The following NRXN1 variants were observed in gnomAD, a reference collection of about 807,000 sequenced individuals.
The protein encoded by NRXN1 is neurexin 1.
In NRXN1, 39 loss-of-function variants were observed where a neutral mutation model predicts 150.9. The observed-to-expected ratio is 0.26, with a 90% confidence interval of 0.20 to 0.34. The LOEUF (loss-of-function observed/expected upper bound fraction) is 0.34. Among genes scored for constraint, NRXN1 ranks in the 10% least tolerant of loss-of-function variants. The pLI is 1.00. For missense variants in NRXN1, 1,815 were observed against 1,949.9 expected, an observed-to-expected ratio of 0.93 and a Z score of 1.30; for synonymous variants, 924 against 757.0, an observed-to-expected ratio of 1.22 and a Z score of -3.62.
chr2:50,158,248 G>A (rs148046458), intron 18 of NRXN1, among the ~76,000 whole-genome samples: 39 of 151,542 alleles, frequency 2.6e-4, no homozygotes, highest in African/African-American at 8.2e-4. Flanking sequence ...TCTGTGGAGC[G>A]TTCATCAGAG....
intron 17 of NRXN1, among the ~76,000 whole-genome samples, chr2:50,293,147 C>T (rs2073142516): frequency 1.3e-5 from 2 of 152,018 alleles, no homozygotes; most frequent in South Asian, 2.1e-4. Context: ...TCTGATTCTC[C>T]ACTGCCTTCT....
chr2:50,949,018 G>C (rs187049797), intron 2 of NRXN1, among the ~76,000 whole-genome samples: 25 of 152,112 alleles, frequency 1.6e-4, no homozygotes, highest in Admixed American at 1.5e-3. Flanking sequence ...AAAACTGCTA[G>C]ATCTGTTCTA....
At chr2:50,128,932 G>A (rs1253983440) in intron 18 of NRXN1, among the ~76,000 whole-genome samples, 8 of 150,306 alleles carry the variant, frequency 5.3e-5, no homozygotes, top group Admixed American at 3.3e-4. Context: ...GCAGTGAGCC[G>A]AGATCACACC....
At chr2:50,440,097 A>C (rs1010252127) in intron 17 of NRXN1, among the ~76,000 whole-genome samples, 14 of 152,200 alleles carry the variant, frequency 9.2e-5, no homozygotes, top group African/African-American at 3.1e-4. Context: ...AAGAGTTGTC[A>C]GGATTTGTTC....
intron 5 of NRXN1, among the ~76,000 whole-genome samples, chr2:50,711,154 T>C (rs924605845): frequency 6.6e-6 from 1 of 152,132 alleles, no homozygotes; most frequent in African/African-American, 2.4e-5. Context: ...TAGTCTCTAC[T>C]GCAAGGCTCT....
At chr2:50,336,529 T>C (rs1156876189) in intron 17 of NRXN1, among the ~76,000 whole-genome samples, 1 of 152,242 alleles carries the variant, frequency 6.6e-6, no homozygotes, top group African/African-American at 2.4e-5. Context: ...TACGATTTTA[T>C]TTAACCATTT....
chr2:50,517,301 C>T (rs1012160876), intron 12 of NRXN1, among the ~76,000 whole-genome samples: 4 of 152,048 alleles, frequency 2.6e-5, no homozygotes, highest in Admixed American at 6.6e-5. Context: ...TTTATCTTCT[C>T]CTCAATGAGT....
At chr2:50,189,965 A>G (rs2061346195) in intron 18 of NRXN1, among the ~76,000 whole-genome samples, 1 of 152,198 alleles carries the variant, frequency 6.6e-6, no homozygotes, top group African/African-American at 2.4e-5. Context: ...CAAACAATAT[A>G]CAATCATCTT....
chr2:50,130,978 G>A (rs1705388075), intron 18 of NRXN1, among the ~76,000 whole-genome samples: 1 of 152,080 alleles, frequency 6.6e-6, no homozygotes, highest in South Asian at 2.1e-4. Flanking sequence ...ATGGCCTAAT[G>A]TATTTTACTT....
At chr2:50,837,261 T>C (rs1672248344) in intron 5 of NRXN1, among the ~76,000 whole-genome samples, 1 of 152,164 alleles carries the variant, frequency 6.6e-6, no homozygotes, top group South Asian at 2.1e-4. Flanking sequence ...TTCTGAAGAA[T>C]AGCGCAAAAA....
At chr2:50,116,061 C>T (rs1012214583) in intron 18 of NRXN1, among the ~76,000 whole-genome samples, 1 of 151,990 alleles carries the variant, frequency 6.6e-6, no homozygotes, top group African/African-American at 2.4e-5. Context: ...GGCTCGACCT[C>T]TTTTTTTAAT....
rs1273957194 is a variant in NRXN1 at position 51,028,549 on chromosome 2, T to A, written c.-276A>T. ...TCCAGACCAAAGGGAGGATGCACTT[T>A]GGAGACAACGTTCTGGAAAAGGCTT... On this transcript the variant is annotated 5_prime_UTR_variant, in exon 2 of 23. Coordinates refer to ENST00000401669, the MANE Select transcript of NRXN1 (RefSeq NM_001330078.2). 3 of 374,874 alleles carry A rather than the reference T, an allele frequency of 8.0e-6. No homozygotes were observed. Among genetic ancestry groups the A allele is most frequent in the Non-Finnish European group, 9.5e-6 (2 of 210,682 alleles). 23.2% of individuals were successfully genotyped at this position (374,874 alleles called of 1,614,324 possible).
chr2:50,713,212 G>C (rs1192960853), intron 5 of NRXN1, among the ~76,000 whole-genome samples: 1 of 151,864 alleles, frequency 6.6e-6, no homozygotes, highest in South Asian at 2.1e-4. Flanking sequence ...TGCTTGTGAG[G>C]CTGAAGCACT....
At chr2:50,387,036 CA>C (rs1365629789) in intron 17 of NRXN1, among the ~76,000 whole-genome samples, 1 of 151,970 alleles carries the variant, frequency 6.6e-6, no homozygotes, top group Non-Finnish European at 1.5e-5. Context: ...TGCTTCATTG[CA>C]AAAAGAAAAA....
rs139136968 is a variant in NRXN1 at position 50,014,929 on chromosome 2, G to A, written c.4128+38342C>T. Among the ~76,000 whole-genome samples, 227 of 152,212 alleles carry A rather than the reference G, an allele frequency of 1.5e-3. 1 individual carries two copies. The highest frequency in any genetic ancestry group is 4.7e-3 in the African/African-American group (194 of 41,540). On this transcript the variant is annotated intron_variant, in intron 21 of 22. Coordinates refer to ENST00000401669, the MANE Select transcript of NRXN1 (RefSeq NM_001330078.2). ...AATTTTAGGTAATGCTATCACAGCC[G>A]GTGTAGTCAAGACTTCTGTCTTTTG...
In NRXN1 at chr2:51,027,704, G is replaced by C. The variant is rs564945882; in HGVS notation, c.570C>G (p.Asn190Lys). The C allele has an allele frequency of 1.2e-6, 2 of 1,608,100 alleles. No homozygotes were observed. The highest frequency in any genetic ancestry group is 1.7e-6 in the Non-Finnish European group (2 of 1,177,070). Residue 190 changes from asparagine to lysine, a missense_variant, in exon 2 of 23, where the codon AAC becomes AAG. Physicochemically the swap from Asn to Lys is moderately conservative, Grantham distance 94. Transcript: ENST00000401669. ...FKGWIRDVRVNSSQVLPVDSG... is the reference protein window; with the variant it reads ...FKGWIRDVRVKSSQVLPVDSG... ...TGTCCACGGGCAGGACCTGCGAGGAGTTGACCCTCACGTCACGAATCCACC... is the reference window on the plus strand; with the variant it reads ...TGTCCACGGGCAGGACCTGCGAGGACTTGACCCTCACGTCACGAATCCACC...
In NRXN1 at chr2:49,952,633, A is replaced by G. The variant is rs1674170706; in HGVS notation, c.4129-8842T>C. 3.3e-5 allele frequency among the ~76,000 whole-genome samples: 5 copies of G among 152,074 alleles called. No individual in the cohort carries two copies. The South Asian group carries it at 1.0e-3, about 31-fold the overall frequency. On this transcript the variant is annotated intron_variant, in intron 21 of 22. Coordinates refer to ENST00000401669, the MANE Select transcript of NRXN1 (RefSeq NM_001330078.2). ...TTTTTTGGTGACAAAAAGAAAATGCAAATTATTGAATCTCTTTCTGTCTTT... is the reference window on the plus strand; with the variant it reads ...TTTTTTGGTGACAAAAAGAAAATGCGAATTATTGAATCTCTTTCTGTCTTT...
intron 22 of NRXN1, among the ~76,000 whole-genome samples, chr2:49,940,754 C>G (rs904653783): frequency 6.6e-6 from 1 of 151,960 alleles, no homozygotes; most frequent in African/African-American, 2.4e-5. Flanking sequence ...GGGAGGTGGA[C>G]AGAAAAAGCT....
intron 8 of NRXN1, among the ~76,000 whole-genome samples, chr2:50,566,791 T>C (rs933019666): frequency 1.3e-5 from 2 of 152,162 alleles, no homozygotes; most frequent in African/African-American, 4.8e-5. Context: ...AAATCACAGA[T>C]GCGATTCTAG....
Sources: gnomAD v4.1 joint callset for allele counts (sites outside exome capture counted in the v4.1 genomes callset) on GRCh38, gnomAD v4.1.1 for gene constraint, MANE v1.5 for transcripts, NCBI Gene and HGNC (gene_info 2026-07-23, HGNC 2026-07-21) for gene names.